Variants in CDH13 observed in about 807,000 individuals in gnomAD.
CDH13 encodes cadherin 13.
A neutral mutation model predicts 63.8 loss-of-function variants in CDH13; 24 were observed. The observed-to-expected ratio is 0.38, with a 90% CI of 0.27 to 0.53. The LOEUF (loss-of-function observed/expected upper bound fraction) is 0.53. Ranked by LOEUF, CDH13 falls within the 20% of genes least tolerant of loss-of-function variation. The pLI, the probability that CDH13 is intolerant of heterozygous loss-of-function variation, is 0.85. For synonymous variants in CDH13, 503 were observed against 355.3 expected (o/e 1.42, Z -4.67); for missense variants, 1,049 against 903.1 (o/e 1.16, Z -2.07).
chr16:82,634,792 G>A (rs992391141), intron 1 of CDH13, among the ~76,000 whole-genome samples: 94 of 152,312 alleles, frequency 6.2e-4, no homozygotes, highest in African/African-American at 1.7e-3. Flanking sequence ...AAGTTCAGCC[G>A]TTGGGGACTT....
intron 7 of CDH13, among the ~76,000 whole-genome samples, chr16:83,585,994 T>A (rs1906118977): frequency 6.6e-6 from 1 of 152,264 alleles, no homozygotes; most frequent in East Asian, 1.9e-4. Context: ...AACTGCACAA[T>A]GAACACAGCA....
chr16:83,353,087 G>T (rs2090988990), intron 6 of CDH13, among the ~76,000 whole-genome samples: 1 of 152,180 alleles, frequency 6.6e-6, no homozygotes. Context: ...AGCGTGGCAA[G>T]GGTGTAACGT....
chr16:83,368,066 G>T lies in CDH13; in HGVS notation c.781+23060G>T, dbSNP rs530014296. Among the ~76,000 whole-genome samples, 1,400 of 152,204 alleles carry T rather than the reference G, an allele frequency of 9.2e-3. 17 individuals carry two copies. Among genetic ancestry groups the T allele is most frequent in the African/African-American group, 0.031 (1,293 of 41,544 alleles). On this transcript the variant is annotated intron_variant, in intron 6 of 13. Transcript: ENST00000567109. The stretch of plus-strand genomic sequence containing the variant: ...TTGAATTATTTTCTTAATTTCTTAT[G>T]TGGATTATTCATTGTTATTATATTT...
chr16:83,445,466 A>G (rs1031767369), intron 6 of CDH13, among the ~76,000 whole-genome samples: 1 of 152,102 alleles, frequency 6.6e-6, no homozygotes, highest in African/African-American at 2.4e-5. Context: ...CTTCTGGGTC[A>G]TTAAGGAGGA....
At chr16:82,971,799 C>T (rs1290515016) in intron 2 of CDH13, among the ~76,000 whole-genome samples, 1 of 152,134 alleles carries the variant, frequency 6.6e-6, no homozygotes, top group Non-Finnish European at 1.5e-5. Context: ...CTGCCTGTGC[C>T]CCTTAAATGC....
intron 8 of CDH13, among the ~76,000 whole-genome samples, chr16:83,625,711 C>T (rs1337767387): frequency 1.3e-5 from 2 of 152,218 alleles, no homozygotes; most frequent in Non-Finnish European, 2.9e-5. Flanking sequence ...TGAGGGAGGG[C>T]AGCTTGGTGG....
chr16:83,186,978 A>T (rs1438277199), intron 4 of CDH13, among the ~76,000 whole-genome samples: 2 of 150,560 alleles, frequency 1.3e-5, no homozygotes, highest in Non-Finnish European at 3.0e-5. Context: ...TATTACTGTA[A>T]TTTTTTTTTT....
chr16:83,184,089 AACACACACACAC>A (rs10656475), intron 4 of CDH13, among the ~76,000 whole-genome samples: 24 of 131,560 alleles, frequency 1.8e-4, no homozygotes, highest in South Asian at 2.7e-4. Flanking sequence ...CTAGAGGTTA[AACACACACACAC>A]ACACACACAC....
chr16:82,931,443 A>G (rs1036553690), intron 2 of CDH13, among the ~76,000 whole-genome samples: 2 of 152,024 alleles, frequency 1.3e-5, no homozygotes, highest in African/African-American at 2.4e-5. Flanking sequence ...CCTTGATGCT[A>G]TGGGCATAAA....
intron 3 of CDH13, among the ~76,000 whole-genome samples, chr16:83,045,922 A>C (rs1752733570): frequency 6.6e-6 from 1 of 152,240 alleles, no homozygotes; most frequent in Non-Finnish European, 1.5e-5. Flanking sequence ...GGCCCTAGCC[A>C]AATACATCCT....
At chr16:83,503,713 C>T (rs1341395191) in intron 7 of CDH13, among the ~76,000 whole-genome samples, 1 of 152,100 alleles carries the variant, frequency 6.6e-6, no homozygotes, top group Admixed American at 6.5e-5. Context: ...CTGTTCATAT[C>T]CTTCGCCTGC....
chr16:83,283,605 C>T (rs1055416176), intron 5 of CDH13, among the ~76,000 whole-genome samples: 1 of 152,054 alleles, frequency 6.6e-6, no homozygotes, highest in Non-Finnish European at 1.5e-5. Flanking sequence ...ACAAAAATTT[C>T]CACAGGAGAT....
At chr16:82,840,560 C>T (rs1439941017) in intron 1 of CDH13, among the ~76,000 whole-genome samples, 1 of 151,518 alleles carries the variant, frequency 6.6e-6, no homozygotes, top group African/African-American at 2.4e-5. Flanking sequence ...TGGCACGTGC[C>T]TGTAACCCCA....
chr16:83,160,763 C>T lies in CDH13; in HGVS notation c.483+35262C>T, dbSNP rs565716725. 4.6e-5 allele frequency among the ~76,000 whole-genome samples: 7 copies of T among 152,320 alleles called. No homozygotes were observed. In the East Asian group the frequency reaches 5.8e-4, roughly 13 times the overall value. ...ATTAACTGATGAGCTCAGAGATGCTCGGAAACCTCCTGCCTGCACAACAAC... is the reference window on the plus strand; with the variant it reads ...ATTAACTGATGAGCTCAGAGATGCTTGGAAACCTCCTGCCTGCACAACAAC... On this transcript the variant is annotated intron_variant, in intron 4 of 13. Coordinates refer to ENST00000567109, the MANE Select transcript of CDH13 (RefSeq NM_001257.5).
At chr16:83,053,602 A>G (rs1284285010) in intron 3 of CDH13, among the ~76,000 whole-genome samples, 2 of 152,230 alleles carry the variant, frequency 1.3e-5, no homozygotes, top group African/African-American at 2.4e-5. Context: ...ATGGAAGGGT[A>G]CAGAAAAATA....
chr16:82,631,154 G>T (rs1415957455), intron 1 of CDH13, among the ~76,000 whole-genome samples: 1 of 152,084 alleles, frequency 6.6e-6, no homozygotes, highest in Non-Finnish European at 1.5e-5. Flanking sequence ...TATTGTAGTT[G>T]GTTCTGTTCT....
At chr16:83,631,377 T>TGA (rs1567468523) in intron 8 of CDH13, among the ~76,000 whole-genome samples, 1 of 152,176 alleles carries the variant, frequency 6.6e-6, no homozygotes, top group Non-Finnish European at 1.5e-5. Context: ...GTTCTTTCGG[T>TGA]GGCCCTGTTG....
chr16:83,443,274 C>T (rs1257095584), intron 6 of CDH13, among the ~76,000 whole-genome samples: 1 of 152,118 alleles, frequency 6.6e-6, no homozygotes, highest in Non-Finnish European at 1.5e-5. Flanking sequence ...GGAGGCCACG[C>T]CTCTGAGAAA....
chr16:82,809,665 A>C (rs1393500702), intron 1 of CDH13, among the ~76,000 whole-genome samples: 1 of 152,124 alleles, frequency 6.6e-6, no homozygotes, highest in African/African-American at 2.4e-5. Flanking sequence ...ACATAAAGGT[A>C]TTAAAGTGAT....
Sources: allele counts gnomAD v4.1 joint callset (sites outside exome capture counted in the v4.1 genomes callset), GRCh38; gene constraint gnomAD v4.1.1; transcripts MANE v1.5; gene names NCBI Gene and HGNC (gene_info 2026-07-23, HGNC 2026-07-21).